The following PARD3 variants were observed in gnomAD, a reference collection of about 807,000 sequenced individuals.
PARD3 encodes the protein partitioning defective 3 homolog.
In PARD3, 75 loss-of-function variants were observed where a neutral mutation model predicts 155.4. The ratio of observed to expected loss-of-function variants is 0.48; its 90% CI spans 0.40 to 0.58. PARD3 has a LOEUF of 0.58. PARD3 is among the 20% of genes least tolerant of loss of function. The pLI is 0.00. For missense variants in PARD3, 1,642 were observed against 1,721.7 expected, an observed-to-expected ratio of 0.95 and a Z score of 0.82; for synonymous variants, 576 against 610.5, an observed-to-expected ratio of 0.94 and a Z score of 0.83.
intron 22 of PARD3, among the ~76,000 whole-genome samples, chr10:34,161,302 G>A (rs1156586404): frequency 1.3e-5 from 2 of 149,590 alleles, no homozygotes; most frequent in African/African-American, 4.9e-5. Context: ...GGGGAGAAGA[G>A]GGGAGTGGGG....
intron 22 of PARD3, among the ~76,000 whole-genome samples, chr10:34,174,830 T>C (rs968375010): frequency 6.6e-6 from 1 of 152,216 alleles, no homozygotes; most frequent in South Asian, 2.1e-4. Flanking sequence ...TATGGTTGTA[T>C]ATATGATTTT....
intron 1 of PARD3, among the ~76,000 whole-genome samples, chr10:34,749,645 A>G (rs962726419): frequency 6.6e-6 from 1 of 152,192 alleles, no homozygotes; most frequent in African/African-American, 2.4e-5. Flanking sequence ...TAAGTGAAAG[A>G]GCATTTAATA....
chr10:34,498,124 G>GA (rs1449547307), intron 3 of PARD3, among the ~76,000 whole-genome samples: 12 of 151,534 alleles, frequency 7.9e-5, no homozygotes, highest in African/African-American at 2.7e-4. Flanking sequence ...TAAGTAGGCA[G>GA]AAAAAAAACA....
At chr10:34,772,870 A>T (rs1308061726) in intron 1 of PARD3, among the ~76,000 whole-genome samples, 1 of 152,096 alleles carries the variant, frequency 6.6e-6, no homozygotes, top group Non-Finnish European at 1.5e-5. Flanking sequence ...GAAAGCCTGT[A>T]ATAAATACCT....
intron 3 of PARD3, among the ~76,000 whole-genome samples, chr10:34,495,858 A>G (rs2080245885): frequency 6.6e-6 from 1 of 151,664 alleles, no homozygotes; most frequent in African/African-American, 2.4e-5. Flanking sequence ...AACAGTAAAC[A>G]TGAACCGTGA....
chr10:34,622,737 G>A (rs1045242820), intron 2 of PARD3, among the ~76,000 whole-genome samples: 2 of 151,864 alleles, frequency 1.3e-5, no homozygotes, highest in African/African-American at 2.4e-5. Flanking sequence ...ATTTTGTTAG[G>A]AGAAAATCTA....
At chr10:34,813,941 C>T (rs1467015930) in intron 1 of PARD3, among the ~76,000 whole-genome samples, 1 of 152,208 alleles carries the variant, frequency 6.6e-6, no homozygotes, top group Non-Finnish European at 1.5e-5. Context: ...GTCGGTAAAA[C>T]AATTTAACAA....
At chr10:34,482,886 C>T (rs537574982) in intron 3 of PARD3, among the ~76,000 whole-genome samples, 143 of 152,066 alleles carry the variant, frequency 9.4e-4, no homozygotes, top group Middle Eastern at 3.4e-3. Context: ...CAGTGGCTCA[C>T]GCCTGTAATC....
At chr10:34,415,881 A>C in intron 5 of PARD3, among the ~76,000 whole-genome samples, 1 of 152,316 alleles carries the variant, frequency 6.6e-6, no homozygotes, top group African/African-American at 2.4e-5. Flanking sequence ...TATTATACTT[A>C]AATACTAAAA....
chr10:34,433,805 C>T (rs958360117), intron 5 of PARD3, among the ~76,000 whole-genome samples: 4 of 152,024 alleles, frequency 2.6e-5, no homozygotes, highest in Non-Finnish European at 4.4e-5. Flanking sequence ...AAGCAGAAAG[C>T]CCTTTATAAT....
intron 2 of PARD3, among the ~76,000 whole-genome samples, chr10:34,544,532 T>C (rs1423620769): frequency 1.3e-5 from 2 of 152,168 alleles, no homozygotes; most frequent in Non-Finnish European, 2.9e-5. Context: ...TATAATACAT[T>C]AACCCAGAGT....
At chr10:34,752,456 CA>C (rs1836166952) in intron 1 of PARD3, among the ~76,000 whole-genome samples, 1 of 151,702 alleles carries the variant, frequency 6.6e-6, no homozygotes. Flanking sequence ...CTAACACAGT[CA>C]GCCTTTTATA....
intron 7 of PARD3, among the ~76,000 whole-genome samples, chr10:34,396,813 T>C (rs7893539): frequency 0.59 from 88,876 of 151,772 alleles, 28,214 homozygotes; most frequent in African/African-American, 0.85. Flanking sequence ...CTTCCTGCTA[T>C]ACTACATTGC....
intron 2 of PARD3, among the ~76,000 whole-genome samples, chr10:34,517,700 C>A (rs758773533): frequency 1.3e-5 from 2 of 151,802 alleles, no homozygotes; most frequent in South Asian, 2.1e-4. Context: ...TACACGCCCC[C>A]CACACACACA....
At chr10:34,418,201 G>C (rs1231004618) in intron 5 of PARD3, among the ~76,000 whole-genome samples, 1 of 152,026 alleles carries the variant, frequency 6.6e-6, no homozygotes, top group African/African-American at 2.4e-5. Context: ...TTTGAGGCGT[G>C]GTCTTGTTCT....
chr10:34,175,527 A>G (rs1195732770), intron 22 of PARD3, among the ~76,000 whole-genome samples: 2 of 152,240 alleles, frequency 1.3e-5, no homozygotes, highest in East Asian at 3.8e-4. Flanking sequence ...TTTTGACTCA[A>G]AAAGTATACT....
intron 22 of PARD3, among the ~76,000 whole-genome samples, chr10:34,215,199 T>C (rs1192200668): frequency 1.3e-5 from 2 of 152,180 alleles, no homozygotes; most frequent in Admixed American, 6.5e-5. Context: ...CAAAGGCTTA[T>C]TGAGGACAGT....
chr10:34,467,789 G>T (rs966018147), intron 4 of PARD3, among the ~76,000 whole-genome samples: 2 of 152,082 alleles, frequency 1.3e-5, no homozygotes, highest in Non-Finnish European at 2.9e-5. Flanking sequence ...ATGAAACTGC[G>T]TCAGCTAGGT....
chr10:34,620,310 C>G (rs2091569869), intron 2 of PARD3, among the ~76,000 whole-genome samples: 1 of 152,156 alleles, frequency 6.6e-6, no homozygotes, highest in African/African-American at 2.4e-5. Flanking sequence ...ATCCCAGATC[C>G]CATTTATAAG....
Sources: gnomAD v4.1 joint callset for allele counts (sites outside exome capture counted in the v4.1 genomes callset) on GRCh38, gnomAD v4.1.1 for gene constraint, MANE v1.5 for transcripts, NCBI Gene and HGNC (gene_info 2026-07-23, HGNC 2026-07-21) for gene names.